Variants in KIAA1328 observed in about 807,000 individuals in gnomAD.
The protein encoded by KIAA1328 is protein hinderin.
KIAA1328 carries 52 observed loss-of-function variants against 68.1 expected under a neutral mutation model. The ratio of observed to expected loss-of-function variants is 0.76; its 90% confidence interval spans 0.61 to 0.96. KIAA1328 has a LOEUF of 0.96. Among genes scored for constraint, KIAA1328 ranks in the 40% least tolerant of loss-of-function variants. KIAA1328 has a pLI of 0.00. For synonymous variants in KIAA1328, 232 were observed against 239.4 expected (o/e 0.97, Z 0.28); for missense variants, 641 against 677.6 (o/e 0.95, Z 0.60).
chr18:36,983,417 A>G (rs2052776367), intron 6 of KIAA1328, among the ~76,000 whole-genome samples: 1 of 152,070 alleles, frequency 6.6e-6, no homozygotes. Flanking sequence ...GCAAATACTG[A>G]TGTAACTTCA....
At chr18:37,022,440 G>T (rs2054384423) in intron 6 of KIAA1328, among the ~76,000 whole-genome samples, 1 of 152,154 alleles carries the variant, frequency 6.6e-6, no homozygotes, top group South Asian at 2.1e-4. Context: ...TCTCAGTATA[G>T]AATTATAGTT....
In KIAA1328 at chr18:37,223,179, C is replaced by G. The variant is rs1002061897; in HGVS notation, c.*952C>G. The G allele has an allele frequency of 7.1e-6, 7 of 984,902 alleles. No homozygotes were observed. In the African/African-American group the frequency reaches 1.2e-4, roughly 17 times the overall value. 61.0% of individuals were successfully genotyped at this position (984,902 alleles called of 1,614,324 possible). A position where few individuals can be genotyped will look rare whatever the true frequency, so the allele number is the denominator to read the frequency against. ...TGGGCTTCCTCTGGCCCTCCCTTTT[C>G]CTCCACGAGGATTAAAGGATACAAG... is the stretch of plus-strand genomic sequence containing the variant. On this transcript the variant is annotated 3_prime_UTR_variant, in exon 10 of 10. Coordinates refer to ENST00000280020, the MANE Select transcript of KIAA1328 (RefSeq NM_020776.3).
At chr18:37,129,807 C>T (rs1247729187) in intron 7 of KIAA1328, among the ~76,000 whole-genome samples, 2 of 152,032 alleles carry the variant, frequency 1.3e-5, no homozygotes, top group Non-Finnish European at 2.9e-5. Context: ...TGAATACCAA[C>T]AATGTAGAGT....
chr18:37,206,139 A>G lies in KIAA1328; in HGVS notation c.1524-15878A>G, dbSNP rs190502912. On this transcript the variant is annotated intron_variant, in intron 9 of 9. Transcript: ENST00000280020. The stretch of plus-strand genomic sequence containing the variant: ...GGAAATGTATACATTGTAAAATTCC[A>G]AAACAAATCTCTAAGAGACATCTGG... Among the ~76,000 whole-genome samples the G allele has an allele frequency of 2.3e-4, 35 of 152,288 alleles. No homozygotes were observed. The East Asian group carries it at 6.8e-3, about 29-fold the overall frequency.
intron 7 of KIAA1328, among the ~76,000 whole-genome samples, chr18:37,133,635 C>G (rs1028563605): frequency 3.3e-5 from 5 of 150,674 alleles, no homozygotes; most frequent in Non-Finnish European, 5.9e-5. Context: ...ACGCCATTCT[C>G]CTGCCTCAGC....
chr18:37,226,714 CCTTT>C (rs2060640860), downstream of KIAA1328, among the ~76,000 whole-genome samples: 1 of 123,596 alleles, frequency 8.1e-6, no homozygotes, highest in Admixed American at 7.9e-5. Flanking sequence ...TGGGTTGTTC[CCTTT>C]TTTTTTTTTT....
chr18:36,914,278 G>T (rs557534384), intron 5 of KIAA1328, among the ~76,000 whole-genome samples: 1 of 152,174 alleles, frequency 6.6e-6, no homozygotes, highest in African/African-American at 2.4e-5. Flanking sequence ...AAGGGAAGGC[G>T]CTGTGATAAG....
intron 6 of KIAA1328, among the ~76,000 whole-genome samples, chr18:36,989,180 C>T (rs974130880): frequency 6.6e-5 from 10 of 152,022 alleles, no homozygotes; most frequent in African/African-American, 2.4e-4. Context: ...ACTTGTTTTT[C>T]GTTTCTCTCA....
intron 8 of KIAA1328, among the ~76,000 whole-genome samples, chr18:37,162,783 G>A (rs1451988674): frequency 1.3e-5 from 2 of 151,472 alleles, no homozygotes; most frequent in Non-Finnish European, 2.9e-5. Flanking sequence ...TACTACACAG[G>A]ACATTTACTA....
intron 9 of KIAA1328, among the ~76,000 whole-genome samples, chr18:37,219,777 C>T (rs778588315): frequency 6.6e-5 from 10 of 152,320 alleles, no homozygotes; most frequent in South Asian, 6.2e-4. Flanking sequence ...CGACCCCTTG[C>T]GCTTCCTGGG....
chr18:37,136,187 G>A (rs1400447453), intron 7 of KIAA1328, among the ~76,000 whole-genome samples: 1 of 152,102 alleles, frequency 6.6e-6, no homozygotes, highest in African/African-American at 2.4e-5. Flanking sequence ...CAGTAGCACT[G>A]GCCGTGTGTG....
intron 9 of KIAA1328, among the ~76,000 whole-genome samples, chr18:37,189,270 G>A (rs924149482): frequency 6.6e-6 from 1 of 152,188 alleles, no homozygotes; most frequent in Non-Finnish European, 1.5e-5. Context: ...ATTTGAAAGA[G>A]AGAAGCAAAT....
chr18:36,955,636 G>C (rs571560713), intron 5 of KIAA1328, among the ~76,000 whole-genome samples: 2 of 151,982 alleles, frequency 1.3e-5, no homozygotes, highest in Admixed American at 1.3e-4. Flanking sequence ...GACAAGCCCC[G>C]ATCTATTTGT....
intron 6 of KIAA1328, among the ~76,000 whole-genome samples, chr18:36,972,990 G>T (rs946620911): frequency 4.6e-5 from 7 of 152,196 alleles, no homozygotes; most frequent in Admixed American, 1.3e-4. Flanking sequence ...TGAAGATGCT[G>T]CCGTGGTAGC....
chr18:37,044,738 G>A (rs1599066752), intron 6 of KIAA1328, among the ~76,000 whole-genome samples: 2 of 150,734 alleles, frequency 1.3e-5, no homozygotes, highest in East Asian at 1.9e-4. Context: ...GGCAGAGGTT[G>A]CAGTGAGCCG....
At chr18:37,145,038 C>T (rs2058863509) in intron 7 of KIAA1328, among the ~76,000 whole-genome samples, 1 of 151,788 alleles carries the variant, frequency 6.6e-6, no homozygotes. Context: ...AGTTTGAGAC[C>T]AGTCTGGGCA....
chr18:37,216,754 T>A (rs1163353320), intron 9 of KIAA1328, among the ~76,000 whole-genome samples: 3 of 152,146 alleles, frequency 2.0e-5, no homozygotes, highest in African/African-American at 7.2e-5. Flanking sequence ...ATTATTATTT[T>A]GTGGGAGTCT....
At chr18:36,991,879 GGAATGTATCTGTGGGTTAAAAT>G (rs1247415122) in intron 6 of KIAA1328, among the ~76,000 whole-genome samples, 2 of 152,166 alleles carry the variant, frequency 1.3e-5, no homozygotes, top group East Asian at 3.8e-4. Context: ...CCCAGAGCTG[GGAATGTATCTGTGGGTTAAAAT>G]GGACAGCTTA....
At chr18:37,018,395 A>AT (rs1262475465) in intron 6 of KIAA1328, among the ~76,000 whole-genome samples, 1 of 151,810 alleles carries the variant, frequency 6.6e-6, no homozygotes, top group African/African-American at 2.4e-5. Context: ...TGCCTTTAAG[A>AT]TTTTTTTCAT....
Sources: gnomAD v4.1 joint callset for allele counts (sites outside exome capture counted in the v4.1 genomes callset) on GRCh38, gnomAD v4.1.1 for gene constraint, MANE v1.5 for transcripts, NCBI Gene and HGNC (gene_info 2026-07-23, HGNC 2026-07-21) for gene names.